SYN3: variants seen among roughly 807,000 people sequenced by gnomAD.
SYN3 encodes synapsin-3.
In SYN3, 35 loss-of-function variants were observed where a neutral mutation model predicts 65.8. The observed-to-expected ratio is 0.53, with a 90% CI of 0.41 to 0.70. The LOEUF is 0.70. Ranked by LOEUF, SYN3 falls within the 30% of genes least tolerant of loss-of-function variation. SYN3 has a pLI of 0.00. For missense variants in SYN3, 680 were observed against 749.0 expected (o/e 0.91, Z 1.08); for synonymous variants, 270 against 292.9 (o/e 0.92, Z 0.80).
intron 7 of SYN3, among the ~76,000 whole-genome samples, chr22:32,585,788 A>G (rs1161188786): frequency 6.6e-6 from 1 of 152,100 alleles, no homozygotes; most frequent in Non-Finnish European, 1.5e-5. Context: ...GAATCACAGC[A>G]TTTTAGCTTT....
At chr22:32,932,642 T>C (rs1166988770) in intron 3 of SYN3, among the ~76,000 whole-genome samples, 1 of 152,152 alleles carries the variant, frequency 6.6e-6, no homozygotes, top group East Asian at 1.9e-4. Context: ...ATCTTTTGGG[T>C]TGCCTATTTG....
Position 32,509,162 on chromosome 22 carries a change from G to C in SYN3, c.*4530C>G, listed in dbSNP as rs2057663777. On this transcript the variant is annotated 3_prime_UTR_variant, in exon 14 of 14. Coordinates refer to ENST00000358763, the MANE Select transcript of SYN3 (RefSeq NM_003490.4). ...AAGTACGGTACCATTTTATCGCGCTGACGGGAGGAAGATCTGGAAGAACTT... is the reference window on the plus strand; with the variant it reads ...AAGTACGGTACCATTTTATCGCGCTCACGGGAGGAAGATCTGGAAGAACTT... 6.6e-6 allele frequency among the ~76,000 whole-genome samples: 1 copy of C among 152,200 alleles called. No homozygotes were observed. Among genetic ancestry groups the C allele is most frequent in the South Asian group, 2.1e-4 (1 of 4,830 alleles).
chr22:32,980,181 T>C (rs931031121), intron 3 of SYN3, among the ~76,000 whole-genome samples: 1 of 152,182 alleles, frequency 6.6e-6, no homozygotes, highest in African/African-American at 2.4e-5. Context: ...CCCACAATGA[T>C]ATAAGGAAAT....
chr22:32,767,714 C>G (rs896571265), intron 6 of SYN3, among the ~76,000 whole-genome samples: 1 of 152,170 alleles, frequency 6.6e-6, no homozygotes, highest in Admixed American at 6.5e-5. Flanking sequence ...AGACTGTAAT[C>G]TTTCTTTCTC....
chr22:32,671,859 G>A lies in SYN3; in HGVS notation c.712-75123C>T, dbSNP rs887665593. 4.3e-4 allele frequency among the ~76,000 whole-genome samples: 66 copies of A among 152,126 alleles called. No individual in the cohort carries two copies. In the East Asian group the frequency reaches 0.012, roughly 28 times the overall value. On this transcript the variant is annotated intron_variant, in intron 6 of 13. Transcript: ENST00000358763. ...TGCTCTCACAAAGGTGCACACACACGCTCTCACACAGGTACACACACACAC... is the reference window on the plus strand; with the variant it reads ...TGCTCTCACAAAGGTGCACACACACACTCTCACACAGGTACACACACACAC...
chr22:32,807,355 A>AATATATAAATATATAAT (rs1555968073), intron 6 of SYN3, among the ~76,000 whole-genome samples: 1 of 19,912 alleles, frequency 5.0e-5, no homozygotes, highest in African/African-American at 1.5e-4. Flanking sequence ...ATAAATATAT[A>AATATATAAATATATAAT]ATATATAATA....
intron 6 of SYN3, among the ~76,000 whole-genome samples, chr22:32,742,676 T>C (rs1392478542): frequency 6.6e-6 from 1 of 152,230 alleles, no homozygotes; most frequent in East Asian, 1.9e-4. Flanking sequence ...AATTTAGCTC[T>C]GCCTGAGTCC....
chr22:33,039,697 C>G (rs556896358), intron 1 of SYN3, among the ~76,000 whole-genome samples: 1 of 152,098 alleles, frequency 6.6e-6, no homozygotes, highest in Non-Finnish European at 1.5e-5. Flanking sequence ...TGAGCCACCG[C>G]GCCTGGCCTC....
intron 6 of SYN3, among the ~76,000 whole-genome samples, chr22:32,671,569 TCAAA>T (rs140661983): frequency 0.3 from 43,665 of 145,330 alleles, 7,144 homozygotes; most frequent in Middle Eastern, 0.43. Context: ...ACACATGCTC[TCAAA>T]CAAGTGCACA....
Position 32,762,376 on chromosome 22 carries a change from T to C in SYN3, c.711+102539A>G, listed in dbSNP as rs146162303. On this transcript the variant is annotated intron_variant, in intron 6 of 13. Coordinates refer to ENST00000358763, the MANE Select transcript of SYN3 (RefSeq NM_003490.4). ...CCTCTTGCTCCCTGTCCATACGTCT[T>C]TCCCCTAATTCCTAATGCAATGGCT... 9.4e-4 allele frequency among the ~76,000 whole-genome samples: 143 copies of C among 152,356 alleles called. No individual in the cohort carries two copies. In the East Asian group the frequency reaches 0.01, roughly 11 times the overall value.
At chr22:32,534,904 G>C (rs5754134) in intron 9 of SYN3, among the ~76,000 whole-genome samples, 1 of 152,102 alleles carries the variant, frequency 6.6e-6, no homozygotes, top group East Asian at 1.9e-4. Context: ...GGATTCCCTC[G>C]ATCTCCTTGA....
intron 1 of SYN3, among the ~76,000 whole-genome samples, chr22:33,041,294 CTTTT>C (rs531793626): frequency 2.3e-5 from 3 of 129,318 alleles, no homozygotes; most frequent in African/African-American, 5.7e-5. Context: ...GGAACTCTTT[CTTTT>C]TTTTTTTTTT....
At chr22:32,574,612 C>T (rs915091390) in intron 7 of SYN3, among the ~76,000 whole-genome samples, 11 of 152,218 alleles carry the variant, frequency 7.2e-5, no homozygotes, top group African/African-American at 2.7e-4. Context: ...TCATCTCCTA[C>T]CACTTGCCCC....
Position 33,003,994 on chromosome 22 carries a change from G to A in SYN3, c.311+2358C>T, listed in dbSNP as rs942031794. 4.6e-5 allele frequency among the ~76,000 whole-genome samples: 7 copies of A among 152,366 alleles called. 1 individual carries two copies. The highest frequency in any genetic ancestry group is 3.9e-4 in the East Asian group (2 of 5,184). ...ACAGCTGAGGCTGTTGCTTCAGAGG[G>A]TGCAAGCCCCAAGCCTTGGCACCTT... On this transcript the variant is annotated intron_variant, in intron 2 of 13. Transcript: ENST00000358763.
chr22:32,868,879 T>G, intron 5 of SYN3, 87 bp downstream of exon 5: 5 of 1,329,354 alleles, frequency 3.8e-6, no homozygotes, highest in Non-Finnish European at 5.1e-6. Context: ...TACTGAGGCC[T>G]CCATGCTGGG....
chr22:32,596,806 G>C, intron 6 of SYN3, 70 bp from the exon 7 acceptor site: 1 of 1,477,150 alleles, frequency 6.8e-7, no homozygotes, highest in Non-Finnish European at 9.4e-7. Context: ...GGTGCTGCTT[G>C]TTCCATAGAA....
chr22:33,012,324 CTTG>C (rs2053369956), intron 1 of SYN3, among the ~76,000 whole-genome samples: 1 of 152,104 alleles, frequency 6.6e-6, no homozygotes, highest in Non-Finnish European at 1.5e-5. Flanking sequence ...TAATTATTGT[CTTG>C]TTAATGCTTT....
intron 6 of SYN3, among the ~76,000 whole-genome samples, chr22:32,749,867 A>G (rs146039430): frequency 1.3e-5 from 2 of 152,282 alleles, no homozygotes; most frequent in African/African-American, 4.8e-5. Context: ...TAGCATGCCA[A>G]GCTCCTCTGG....
At position 32,857,305 on chromosome 22, in the gene SYN3, C is replaced by T. The variant is rs11547635; in HGVS notation, c.711+7610G>A. ...TGCAGTACATCCATACGGAAGCTTCCGAGAGTCTCTGTGGCCTTAAGCTGG... is the reference window on the plus strand; with the variant it reads ...TGCAGTACATCCATACGGAAGCTTCTGAGAGTCTCTGTGGCCTTAAGCTGG... On this transcript the variant is annotated intron_variant, in intron 6 of 13. Coordinates refer to ENST00000358763, the MANE Select transcript of SYN3 (RefSeq NM_003490.4). The T allele has an allele frequency of 0.087, 140,511 of 1,612,884 alleles. 9,212 individuals are homozygous for T. The highest frequency in any genetic ancestry group is 0.36 in the East Asian group (16,197 of 44,844).
Sources: allele counts gnomAD v4.1 joint callset (sites outside exome capture counted in the v4.1 genomes callset), GRCh38; gene constraint gnomAD v4.1.1; transcripts MANE v1.5; gene names NCBI Gene and HGNC (gene_info 2026-07-23, HGNC 2026-07-21).